Variants in TRPC7 observed in about 807,000 individuals in gnomAD.
TRPC7 encodes transient receptor potential cation channel subfamily C member 7.
In TRPC7, 42 loss-of-function variants were observed where a neutral mutation model predicts 90.1. That is an observed-to-expected ratio of 0.47 (90% confidence interval 0.36 to 0.60). The LOEUF is 0.60. Ranked by LOEUF, TRPC7 falls within the 20% of genes least tolerant of loss-of-function variation. TRPC7 has a pLI of 0.00. For missense variants in TRPC7, 955 were observed against 1,112.3 expected (o/e 0.86, Z 2.01); for synonymous variants, 451 against 436.3 (o/e 1.03, Z -0.42).
intron 8 of TRPC7, among the ~76,000 whole-genome samples, chr5:136,229,362 A>G (rs1220952206): frequency 6.6e-6 from 1 of 152,068 alleles, no homozygotes; most frequent in Admixed American, 6.6e-5. Flanking sequence ...GCCTTGGTAC[A>G]TGTGCTCCCT....
intron 3 of TRPC7, among the ~76,000 whole-genome samples, chr5:136,309,929 G>A (rs955495587): frequency 2.6e-5 from 4 of 152,102 alleles, no homozygotes; most frequent in African/African-American, 9.7e-5. Context: ...AGGAAGAGCT[G>A]TCTCTCCATC....
In TRPC7 at chr5:136,225,999, G is replaced by A. The variant is rs773941734; in HGVS notation, c.2262+35C>T. 240 of 1,539,722 alleles carry A rather than the reference G, an allele frequency of 1.6e-4. 1 individual carries two copies. In the Middle Eastern group the frequency reaches 6.9e-3, roughly 44 times the overall value. On this transcript the variant is annotated intron_variant, in intron 9 of 11. Transcript: ENST00000513104. ...CTAGACTCGCCTGCCCCCTCCTGCT[G>A]CCTTCTCCAGCCTCATAAACCACAT...
chr5:136,224,463 A>T (rs934003971), intron 10 of TRPC7, among the ~76,000 whole-genome samples: 1 of 152,224 alleles, frequency 6.6e-6, no homozygotes, highest in African/African-American at 2.4e-5. Flanking sequence ...CTTAAGACAG[A>T]AACCTGTGAG....
intron 2 of TRPC7, among the ~76,000 whole-genome samples, chr5:136,343,974 C>T (rs1759926531): frequency 6.6e-6 from 1 of 152,166 alleles, no homozygotes; most frequent in African/African-American, 2.4e-5. Flanking sequence ...AAGACATACG[C>T]ATGTGTATGT....
At chr5:136,334,912 G>A (rs1759603491) in intron 2 of TRPC7, among the ~76,000 whole-genome samples, 1 of 152,166 alleles carries the variant, frequency 6.6e-6, no homozygotes, top group South Asian at 2.1e-4. Flanking sequence ...AAGGCTGACT[G>A]TTCAAGGCCC....
intron 10 of TRPC7, among the ~76,000 whole-genome samples, chr5:136,221,113 C>CTGTG (rs34373112): frequency 0.01 from 1,492 of 148,768 alleles, 22 homozygotes; most frequent in African/African-American, 0.028. Context: ...GTGTATGTGT[C>CTGTG]TGTGTGTGTG....
intron 3 of TRPC7, chr5:136,314,232 A>T (rs903904180): frequency 2.8e-4 from 42 of 152,164 alleles, no homozygotes; most frequent in African/African-American, 9.4e-4. Flanking sequence ...TAGTTCTGGG[A>T]ACTCCAGCTC....
chr5:136,324,275 A>G (rs975780616), intron 2 of TRPC7, among the ~76,000 whole-genome samples: 8 of 152,116 alleles, frequency 5.3e-5, no homozygotes, highest in Non-Finnish European at 8.8e-5. Context: ...GTTCAAATGT[A>G]TTTCTTAAAA....
intron 8 of TRPC7, among the ~76,000 whole-genome samples, chr5:136,230,868 C>T (rs1755793562): frequency 6.6e-6 from 1 of 152,164 alleles, no homozygotes. Context: ...TGCACTGGCC[C>T]CAGGGCATTG....
At chr5:136,338,648 G>C (rs1227383386) in intron 2 of TRPC7, among the ~76,000 whole-genome samples, 2 of 152,216 alleles carry the variant, frequency 1.3e-5, no homozygotes, top group Non-Finnish European at 2.9e-5. Context: ...AAAAGAAAGA[G>C]AGGCACACTT....
intron 3 of TRPC7, among the ~76,000 whole-genome samples, chr5:136,283,588 A>G (rs995434226): frequency 2.6e-5 from 4 of 152,322 alleles, no homozygotes; most frequent in Middle Eastern, 3.4e-3. Context: ...CAGGATAAAG[A>G]GAGGTGTAAA....
chr5:136,223,518 C>A (rs982727115), intron 10 of TRPC7, among the ~76,000 whole-genome samples: 1 of 151,870 alleles, frequency 6.6e-6, no homozygotes, highest in African/African-American at 2.4e-5. Flanking sequence ...GAGGCTGAGA[C>A]AAGAGAATCA....
chr5:136,304,123 A>AG (rs1329229437), intron 3 of TRPC7, among the ~76,000 whole-genome samples: 1 of 152,026 alleles, frequency 6.6e-6, no homozygotes, highest in Non-Finnish European at 1.5e-5. Context: ...CCTGGACTAC[A>AG]GCTGCATCTC....
In TRPC7 at chr5:136,307,769, A is replaced by G. The variant is rs530973062; in HGVS notation, c.963+7828T>C. Reference sequence around the variant, plus strand: ...CTCACAGCAAGGAACTCTCTGGCCCAAAGTGTTAAGGTGTCGGGCTTGAGA... The same window carrying G: ...CTCACAGCAAGGAACTCTCTGGCCCGAAGTGTTAAGGTGTCGGGCTTGAGA... On this transcript the variant is annotated intron_variant, in intron 3 of 11. Transcript: ENST00000513104. 7.2e-5 allele frequency among the ~76,000 whole-genome samples: 11 copies of G among 152,310 alleles called. No homozygotes were observed. In the East Asian group the frequency reaches 1.9e-3, roughly 27 times the overall value.
At position 136,315,703 on chromosome 5, in the gene TRPC7, T is replaced by A; in HGVS notation, c.857A>T (p.Glu286Val). 6.2e-7 allele frequency: 1 copy of A among 1,614,058 alleles called. No individual in the cohort carries two copies. The highest frequency in any genetic ancestry group is 8.5e-7 in the Non-Finnish European group (1 of 1,179,952). ...ATCACCGTTTAAAATTGCTTCCACC[T>A]CTTCTGTGTCTCGGCACAGGTCCAG... ...GVLDLCRDTE[E>V]VEAILNGDVN... The change falls in exon 3 of 12, where the codon GAG becomes GTG. Residue 286 changes from glutamate (E) to valine (V), a missense_variant. Glu to Val is a moderately radical substitution (Grantham distance 121). This residue lies in a region of TRPC7 where 484 missense variants were observed against 509.6 expected (regional missense o/e 0.95). Coordinates refer to ENST00000513104, the MANE Select transcript of TRPC7 (RefSeq NM_020389.3).
At chr5:136,289,593 G>A (rs969463573) in intron 3 of TRPC7, among the ~76,000 whole-genome samples, 3 of 152,262 alleles carry the variant, frequency 2.0e-5, no homozygotes, top group Non-Finnish European at 4.4e-5. Flanking sequence ...GTGAGGCTGG[G>A]GGAGGGGCGC....
At chr5:136,287,725 A>C (rs866809287) in intron 3 of TRPC7, among the ~76,000 whole-genome samples, 2,409 of 131,926 alleles carry the variant, frequency 0.018, 33 homozygotes, top group African/African-American at 0.035. Context: ...AAAAAAAAAA[A>C]AAAACCCAGA....
At chr5:136,332,723 T>TA (rs1759537792) in intron 2 of TRPC7, among the ~76,000 whole-genome samples, 1 of 152,202 alleles carries the variant, frequency 6.6e-6, no homozygotes, top group African/African-American at 2.4e-5. Context: ...ACTAGAAAGA[T>TA]AGAGTTACTA....
intron 10 of TRPC7, among the ~76,000 whole-genome samples, chr5:136,218,230 C>T (rs1276191207): frequency 6.8e-6 from 1 of 147,508 alleles, no homozygotes; most frequent in Non-Finnish European, 1.5e-5. Context: ...TATATGTATC[C>T]CTTTCCATGA....
Sources: gnomAD v4.1 joint callset for allele counts (sites outside exome capture counted in the v4.1 genomes callset) on GRCh38, gnomAD v4.1.1 for gene constraint, gnomAD v4.1.1 regional missense constraint, MANE v1.5 for transcripts, NCBI Gene and HGNC (gene_info 2026-07-23, HGNC 2026-07-21) for gene names.